The following WDR73 variants were observed in gnomAD, a reference collection of about 807,000 sequenced individuals.
WDR73 encodes integrator complex assembly factor WDR73.
Under a neutral mutation model 38.2 loss-of-function variants are expected in WDR73, and 30 were observed. The observed-to-expected ratio is 0.79, with a 90% confidence interval of 0.59 to 1.06. The LOEUF is 1.06. Ranked by LOEUF, WDR73 falls within the 50% of genes least tolerant of loss-of-function variation. The pLI is 0.00. For synonymous variants in WDR73, 197 were observed against 176.0 expected (o/e 1.12, Z -0.94); for missense variants, 487 against 467.0 (o/e 1.04, Z -0.40).
intron 1 of WDR73, 177 bp downstream of exon 1, chr15:84,654,057 G>A (rs1896712338): frequency 8.8e-6 from 7 of 796,286 alleles, no homozygotes; most frequent in Middle Eastern, 2.3e-4. Context: ...ACGCAGGAAG[G>A]AGCCATTTCC....
chr15:84,643,180 T>C lies in WDR73; in HGVS notation c.*290A>G, dbSNP rs537516050. The C allele has an allele frequency of 2.4e-5, 10 of 421,570 alleles. No homozygotes were observed. The highest frequency in any genetic ancestry group is 2.1e-4 in the East Asian group (5 of 23,964). The allele number at this position is 421,570 out of a possible 1,614,324, so 26.1% of individuals were successfully genotyped here. On this transcript the variant is annotated 3_prime_UTR_variant, in exon 8 of 8. Coordinates refer to ENST00000434634, the MANE Select transcript of WDR73 (RefSeq NM_032856.5). ...TTAGCTCTTTTGATTCTCCCTATGA[T>C]AGTGTGAAGACAGGGACAAAACGCT...
In WDR73 at chr15:84,643,546, G is replaced by C; in HGVS notation, c.1061C>G (p.Pro354Arg). Residue 354 changes from proline (P) to arginine (R), a missense_variant, in exon 8 of 8, where the codon CCA becomes CGA. Physicochemically the swap from Pro to Arg is moderately radical, Grantham distance 103. Coordinates refer to ENST00000434634, the MANE Select transcript of WDR73 (RefSeq NM_032856.5). ...VTTHTWHPCR[P>R]RTLLSATNDA... is the part of the protein sequence containing the mutation. ...ATTTGTTGCTGATAACAAAGTCCTT[G>C]GTCTGCAGGGATGCCAGGTGTGGGT... 6.2e-7 allele frequency: 1 copy of C among 1,608,156 alleles called. No individual in the cohort carries two copies. The highest frequency in any genetic ancestry group is 1.1e-5 in the South Asian group (1 of 89,740).
rs1249918100 is a variant in WDR73, at chr15:84,641,007, G to A, written c.*2463C>T. On this transcript the variant is annotated 3_prime_UTR_variant, in exon 8 of 8. Coordinates refer to ENST00000434634, the MANE Select transcript of WDR73 (RefSeq NM_032856.5). ...ATCCTGTACCCTCAAAGGAGTAAAA[G>A]GGGGAAAATGAGTCATTAAACTTTC... 3 of 152,134 alleles carry A rather than the reference G, an allele frequency of 2.0e-5. No homozygotes were observed. Among genetic ancestry groups the A allele is most frequent in the Non-Finnish European group, 4.4e-5 (3 of 68,048 alleles). The allele number at this position is 152,134 out of a possible 1,614,324, so 9.4% of individuals were successfully genotyped here.
Position 84,648,603 on chromosome 15 carries a change from A to C in WDR73, c.221T>G (p.Phe74Cys). ...ENKGLFPERD[F>C]KVRHGGFSDR... ...TGAAAATCCTCCATGGCGCACTTTG[A>C]AATCTCTTTCTGGGAATAAGCCCTA... The change falls in exon 4 of 8, where the codon TTC becomes TGC. Residue 74 changes from phenylalanine to cysteine, a missense_variant. Phe to Cys is a radical substitution (Grantham distance 205). Transcript: ENST00000434634. 1.9e-6 allele frequency: 3 copies of C among 1,613,930 alleles called. No individual in the cohort carries two copies. Among genetic ancestry groups the C allele is most frequent in the Non-Finnish European group, 2.5e-6 (3 of 1,179,818 alleles).
intron 1 of WDR73, 94 bp from the exon 2 acceptor site, chr15:84,653,793 CTG>C: frequency 3.0e-6 from 3 of 984,672 alleles, no homozygotes; most frequent in Admixed American, 2.0e-5. Flanking sequence ...GGCCCAAACT[CTG>C]GAGTCAGGCA....
In WDR73 at chr15:84,645,644, G is replaced by C. The variant is rs772421332; in HGVS notation, c.710C>G (p.Pro237Arg). Reference protein sequence around the residue: ...CAEVGSWGQGPGPSIASLGSD... With the variant: ...CAEVGSWGQGRGPSIASLGSD... ...GCCAAGGCTGGCAATGCTGGGCCCA[G>C]GGCCCTGGCCCCAGCTCCCAACTTC... The change falls in exon 7 of 8, where the codon CCT becomes CGT. Residue 237 changes from proline to arginine, a missense_variant. Pro to Arg is a moderately radical substitution (Grantham distance 103). Transcript: ENST00000434634. The C allele has an allele frequency of 1.2e-6, 2 of 1,608,440 alleles. No individual in the cohort carries two copies. Among genetic ancestry groups the C allele is most frequent in the African/African-American group, 1.3e-5 (1 of 74,894 alleles).
intron 7 of WDR73, 120 bp from the exon 8 acceptor site, chr15:84,643,843 C>T: frequency 8.1e-7 from 1 of 1,229,290 alleles, no homozygotes; most frequent in Non-Finnish European, 1.1e-6. Flanking sequence ...TCTTGAACTC[C>T]TAGCCTCAAG....
rs886409667 is a variant in WDR73 at position 84,647,936 on chromosome 15, G to T, written c.306C>A (p.Gly102=). The T allele has an allele frequency of 2.5e-6, 4 of 1,613,936 alleles. No individual in the cohort carries two copies. The highest frequency in any genetic ancestry group is 3.4e-6 in the Non-Finnish European group (4 of 1,179,874). ...ACACCTGCAGATAACAACCTGGAAGGCCACTGGTAACCAGCAATCTATTCA... is the reference window on the plus strand; with the variant it reads ...ACACCTGCAGATAACAACCTGGAAGTCCACTGGTAACCAGCAATCTATTCA... ...VPHTRLLVTS[G]LPGCYLQVWQ... The change falls in exon 5 of 8, where the codon GGC becomes GGA. Residue 102 remains glycine, a synonymous_variant. Transcript: ENST00000434634.
At chr15:84,643,891 A>C in intron 7 of WDR73, 168 bp from the exon 8 acceptor site, 1 of 734,150 alleles carries the variant, frequency 1.4e-6, no homozygotes, top group Non-Finnish European at 2.1e-6. Context: ...TGCTGGGATT[A>C]CAGGCACCCA....
chr15:84,654,198 G>C, intron 1 of WDR73, 36 bp downstream of exon 1: 1 of 1,613,786 alleles, frequency 6.2e-7, no homozygotes, highest in Non-Finnish European at 8.5e-7. Flanking sequence ...GCAAGCTCCA[G>C]GCCCAGCTCC....
Position 84,645,611 on chromosome 15 carries a change from C to A in WDR73, c.743G>T (p.Gly248Val). The A allele has an allele frequency of 6.2e-7, 1 of 1,609,294 alleles. No individual in the cohort carries two copies. Among genetic ancestry groups the A allele is most frequent in the Non-Finnish European group, 8.5e-7 (1 of 1,177,996 alleles). Residue 248 changes from glycine to valine, a missense_variant, in exon 7 of 8, where the codon GGG becomes GTG. Transcript: ENST00000434634. Reference protein sequence around the residue: ...GPSIASLGSDGRLCLLDPRDL... With the variant: ...GPSIASLGSDVRLCLLDPRDL... ...CCGGGGGTCAAGAAGACAAAGACGC[C>A]CATCTGAGCCAAGGCTGGCAATGCT...
At chr15:84,650,793 A>C (rs1296246076) in intron 3 of WDR73, among the ~76,000 whole-genome samples, 4 of 151,976 alleles carry the variant, frequency 2.6e-5, no homozygotes, top group Non-Finnish European at 4.4e-5. Flanking sequence ...GAGTCACCGC[A>C]CTCGGATTGT....
intron 3 of WDR73, among the ~76,000 whole-genome samples, chr15:84,650,703 C>T (rs897308105): frequency 6.6e-6 from 1 of 152,150 alleles, no homozygotes; most frequent in African/African-American, 2.4e-5. Context: ...CCATGTTGGC[C>T]AGGCTGGTCT....
In WDR73 at chr15:84,643,444, G is replaced by A. The variant is rs1182264382; in HGVS notation, c.*26C>T. 6.5e-7 allele frequency: 1 copy of A among 1,548,672 alleles called. No homozygotes were observed. The highest frequency in any genetic ancestry group is 8.7e-7 in the Non-Finnish European group (1 of 1,145,880). ...ACTACAGCAGCTCCTCCCCTTTCTA[G>A]AGGCCTAGATGGAAAGATGCTGGTG... On this transcript the variant is annotated 3_prime_UTR_variant, in exon 8 of 8. Coordinates refer to ENST00000434634, the MANE Select transcript of WDR73 (RefSeq NM_032856.5).
rs764542917 is a variant in WDR73 at position 84,654,227 on chromosome 15, G to A, written c.41+7C>T. The stretch of plus-strand genomic sequence containing the variant: ...CAGCTCCCATGTCCCAGCCCCGTAC[G>A]ATTTACAAGCGCAAGGATTCCACCA... On this transcript the variant is annotated splice_region_variant and intron_variant, in intron 1 of 7. Transcript: ENST00000434634. The A allele has an allele frequency of 2.7e-5, 44 of 1,613,802 alleles. No homozygotes were observed. The highest frequency in any genetic ancestry group is 3.6e-5 in the Non-Finnish European group (42 of 1,179,828).
intron 4 of WDR73, 54 bp downstream of exon 4, chr15:84,648,483 G>T: frequency 7.6e-7 from 1 of 1,321,838 alleles, no homozygotes; most frequent in Non-Finnish European, 1.1e-6. Flanking sequence ...CCAGGCATTT[G>T]CAGCCATCCC....
chr15:84,652,849 G>A (rs1409419044), intron 2 of WDR73, 47 bp from the exon 3 acceptor site: 11 of 1,176,328 alleles, frequency 9.4e-6, no homozygotes, highest in East Asian at 2.6e-5. Flanking sequence ...TAGAAAGATT[G>A]CAGACCATGC....
intron 6 of WDR73, 131 bp from the exon 7 acceptor site, chr15:84,645,967 T>C (rs1312139448): frequency 2.1e-5 from 32 of 1,548,650 alleles, no homozygotes; most frequent in Non-Finnish European, 2.7e-5. Flanking sequence ...TTCCCACTCA[T>C]CTCACCATTG....
rs1896360070 is a variant in WDR73, at chr15:84,644,038, A to G, written c.884-315T>C. Reference sequence around the variant, plus strand: ...TTGGCAGCTGATGACTCCGTGGGGCATGTAACCATGAGCATCCGTTGTGCA... The same window carrying G: ...TTGGCAGCTGATGACTCCGTGGGGCGTGTAACCATGAGCATCCGTTGTGCA... On this transcript the variant is annotated intron_variant, in intron 7 of 7. Coordinates refer to ENST00000434634, the MANE Select transcript of WDR73 (RefSeq NM_032856.5). 4.1e-5 allele frequency: 12 copies of G among 289,590 alleles called. No individual in the cohort carries two copies. The South Asian group carries it at 4.6e-4, about 11-fold the overall frequency. The allele number at this position is 289,590 out of a possible 1,614,324, so 17.9% of individuals were successfully genotyped here.
Sources: allele counts gnomAD v4.1 joint callset (sites outside exome capture counted in the v4.1 genomes callset), GRCh38; gene constraint gnomAD v4.1.1; transcripts MANE v1.5; gene names NCBI Gene and HGNC (gene_info 2026-07-23, HGNC 2026-07-21).